The following PDE1C variants were observed in gnomAD, a reference collection of about 807,000 sequenced individuals.
PDE1C encodes the protein phosphodiesterase 1C, also known as dual specificity calcium/calmodulin-dependent 3',5'-cyclic nucleotide phosphodiesterase 1C.
In PDE1C, 62 loss-of-function variants were observed where a neutral mutation model predicts 93.1. That is an observed-to-expected ratio of 0.67 (90% CI 0.54 to 0.82). The LOEUF is 0.82. Ranked by LOEUF, PDE1C falls within the 40% of genes least tolerant of loss-of-function variation. The probability of loss-of-function intolerance (pLI) is 0.00; values close to 1 mark genes in which losing one functional copy is unlikely to be tolerated. For missense variants in PDE1C, 742 were observed against 884.6 expected, an observed-to-expected ratio of 0.84 and a Z score of 2.04; for synonymous variants, 325 against 310.1, an observed-to-expected ratio of 1.05 and a Z score of -0.50.
intron 3 of PDE1C, among the ~76,000 whole-genome samples, chr7:32,147,706 C>T (rs1028449661): frequency 3.9e-5 from 6 of 152,104 alleles, no homozygotes; most frequent in African/African-American, 9.7e-5. Context: ...CTCCCACCCC[C>T]CCTCCAAGCA....
chr7:32,120,027 C>T (rs1180625859), intron 3 of PDE1C, among the ~76,000 whole-genome samples: 3 of 152,198 alleles, frequency 2.0e-5, no homozygotes, highest in Admixed American at 2.0e-4. Context: ...CTCTCTATAG[C>T]TCCAGGTCAC....
At chr7:32,410,440 AGGT>A (rs1216105716) in intron 1 of PDE1C, among the ~76,000 whole-genome samples, 2 of 151,618 alleles carry the variant, frequency 1.3e-5, no homozygotes, top group Non-Finnish European at 2.9e-5. Context: ...GAGGAGGAGG[AGGT>A]GGAGGAGGAG....
intron 3 of PDE1C, among the ~76,000 whole-genome samples, chr7:32,087,818 A>C (rs1403748056): frequency 2.0e-5 from 3 of 148,166 alleles, no homozygotes; most frequent in Admixed American, 2.0e-4. Flanking sequence ...ACATGGACAC[A>C]GGAAGGGGAA....
intron 17 of PDE1C, among the ~76,000 whole-genome samples, chr7:31,760,400 C>T (rs6945944): frequency 0.47 from 71,184 of 152,060 alleles, 17,078 homozygotes; most frequent in African/African-American, 0.5. Flanking sequence ...GAGAGAACAG[C>T]CGCTAGTCCT....
At chr7:32,134,112 A>G (rs1800075573) in intron 3 of PDE1C, among the ~76,000 whole-genome samples, 1 of 152,080 alleles carries the variant, frequency 6.6e-6, no homozygotes, top group Non-Finnish European at 1.5e-5. Flanking sequence ...GGAAGAACAG[A>G]GGGGAAAAAT....
At chr7:31,966,221 G>A (rs36199355) in intron 2 of PDE1C, among the ~76,000 whole-genome samples, 34,214 of 151,970 alleles carry the variant, frequency 0.23, 4,292 homozygotes, top group Admixed American at 0.31. Flanking sequence ...CCCATCTCAC[G>A]TGCAGAGACA....
At chr7:31,963,741 G>C (rs538565601) in intron 2 of PDE1C, among the ~76,000 whole-genome samples, 16 of 152,162 alleles carry the variant, frequency 1.1e-4, no homozygotes, top group Non-Finnish European at 1.3e-4. Context: ...TAAACACAGA[G>C]TGCAGTAAAC....
At chr7:31,917,135 G>C (rs148349960) in intron 2 of PDE1C, among the ~76,000 whole-genome samples, 20 of 152,166 alleles carry the variant, frequency 1.3e-4, no homozygotes, top group African/African-American at 4.8e-4. Flanking sequence ...AGAGACACCC[G>C]CCTATAGGTA....
At chr7:31,707,388 C>A in the PDE1C span, 1 of 954,940 alleles carries the variant, frequency 1.0e-6, no homozygotes, top group Non-Finnish European at 1.6e-6. Flanking sequence ...CATCGTCTGA[C>A]TTGAAGATTC....
chr7:32,378,636 G>C (rs1784475218), intron 1 of PDE1C, among the ~76,000 whole-genome samples: 1 of 151,960 alleles, frequency 6.6e-6, no homozygotes, highest in Admixed American at 6.5e-5. Flanking sequence ...TGTCTTTTCA[G>C]TGTTTTTTGC....
At chr7:32,309,591 T>C (rs1026690268) in intron 1 of PDE1C, among the ~76,000 whole-genome samples, 1 of 152,190 alleles carries the variant, frequency 6.6e-6, no homozygotes, top group South Asian at 2.1e-4. Context: ...TGGGGGCCAA[T>C]ATTCAACATT....
At chr7:31,726,782 C>T in the PDE1C span, among the ~76,000 whole-genome samples, 1 of 152,162 alleles carries the variant, frequency 6.6e-6, no homozygotes, top group East Asian at 1.9e-4. Flanking sequence ...CCTGTAATCC[C>T]TACATTTTGG....
At chr7:32,059,086 C>G (rs888477534) in intron 1 of PDE1C, among the ~76,000 whole-genome samples, 11 of 152,066 alleles carry the variant, frequency 7.2e-5, no homozygotes, top group Non-Finnish European at 1.2e-4. Flanking sequence ...AATTGTTCTA[C>G]AGACTCATAC....
chr7:32,322,405 G>A (rs1456155571), intron 1 of PDE1C, among the ~76,000 whole-genome samples: 1 of 151,978 alleles, frequency 6.6e-6, no homozygotes, highest in Admixed American at 6.5e-5. Context: ...AGTTTGAGAC[G>A]AGCTTGGGCA....
At chr7:31,977,325 T>C (rs1048316660) in intron 2 of PDE1C, among the ~76,000 whole-genome samples, 1 of 152,186 alleles carries the variant, frequency 6.6e-6, no homozygotes, top group Non-Finnish European at 1.5e-5. Flanking sequence ...CCTCGCCAGA[T>C]GCCAGTGTCA....
the PDE1C span, among the ~76,000 whole-genome samples, chr7:31,649,085 A>T: frequency 6.6e-6 from 1 of 152,228 alleles, no homozygotes; most frequent in Non-Finnish European, 1.5e-5. Context: ...GTAATTGCAA[A>T]ATTGCAAAAT....
chr7:31,692,621 C>G, the PDE1C span: 1 of 1,131,604 alleles, frequency 8.8e-7, no homozygotes, highest in Non-Finnish European at 1.3e-6. Context: ...GGGCACCCCC[C>G]GAAACCTGAT....
chr7:32,253,260 A>G (rs1020811019), intron 1 of PDE1C, among the ~76,000 whole-genome samples: 1 of 152,122 alleles, frequency 6.6e-6, no homozygotes, highest in African/African-American at 2.4e-5. Context: ...GTGAATCCAG[A>G]CTCCCTGAAG....
chr7:32,322,087 T>A (rs1783304646), intron 1 of PDE1C, among the ~76,000 whole-genome samples: 1 of 152,214 alleles, frequency 6.6e-6, no homozygotes, highest in Non-Finnish European at 1.5e-5. Context: ...ATTAATTTAT[T>A]TAGTCCTTAT....
Sources: gnomAD v4.1 joint callset for allele counts (sites outside exome capture counted in the v4.1 genomes callset) on GRCh38, gnomAD v4.1.1 for gene constraint, MANE v1.5 for transcripts, NCBI Gene and HGNC (gene_info 2026-07-23, HGNC 2026-07-21) for gene names.